CA2: variants seen among roughly 807,000 people sequenced by gnomAD.
CA2 encodes the protein carbonic anhydrase 2.
Under a neutral mutation model 27.8 loss-of-function variants are expected in CA2, and 23 were observed. The ratio of observed to expected loss-of-function variants is 0.83; its 90% CI spans 0.59 to 1.17. The LOEUF (loss-of-function observed/expected upper bound fraction) is 1.17, where lower values mean the gene tolerates loss of function less well. Among genes scored for constraint, CA2 ranks in the 50% most tolerant of loss-of-function variants. The pLI is 0.00. For synonymous variants in CA2, 99 were observed against 114.9 expected (o/e 0.86, Z 0.88); for missense variants, 300 against 314.7 (o/e 0.95, Z 0.35).
intron 2 of CA2, among the ~76,000 whole-genome samples, chr8:85,466,320 G>T (rs1427546942): frequency 6.6e-6 from 1 of 151,952 alleles, no homozygotes; most frequent in East Asian, 1.9e-4. Context: ...ATGAAATGGT[G>T]CTGCAAACAC....
chr8:85,474,548 T>C, intron 4 of CA2, 132 bp downstream of exon 4: 1 of 759,932 alleles, frequency 1.3e-6, no homozygotes, highest in South Asian at 1.5e-5. Context: ...TTTTCAAGTT[T>C]ATCTCCTCCT....
chr8:85,465,556 C>A (rs897339520), intron 2 of CA2, 87 bp downstream of exon 2: 1 of 1,042,342 alleles, frequency 9.6e-7, no homozygotes, highest in Non-Finnish European at 1.5e-6. Context: ...TGGCAGGAAC[C>A]CTCTTAATAA....
intron 5 of CA2, 47 bp from the exon 6 acceptor site, chr8:85,477,073 A>T (rs907859826): frequency 6.2e-7 from 1 of 1,601,796 alleles, no homozygotes. Context: ...CCTTCCTCCT[A>T]CTCTGTCAAT....
intron 2 of CA2, among the ~76,000 whole-genome samples, chr8:85,472,482 C>T (rs1183100836): frequency 6.6e-6 from 1 of 151,626 alleles, no homozygotes; most frequent in East Asian, 1.9e-4. Context: ...AGTTTGTAGC[C>T]GATGGATGTG....
At chr8:85,475,694 G>A in intron 4 of CA2, 104 bp from the exon 5 acceptor site, 1 of 972,780 alleles carries the variant, frequency 1.0e-6, no homozygotes, top group Non-Finnish European at 1.6e-6. Context: ...GGAGAATTTG[G>A]GCTCACTATT....
intron 2 of CA2, among the ~76,000 whole-genome samples, chr8:85,472,044 G>A (rs569672051): frequency 6.6e-6 from 1 of 152,186 alleles, no homozygotes; most frequent in South Asian, 2.1e-4. Flanking sequence ...GCAGCCAGAG[G>A]TTGTATCAGG....
intron 2 of CA2, among the ~76,000 whole-genome samples, chr8:85,472,490 G>A (rs1422097905): frequency 1.3e-5 from 2 of 152,138 alleles, no homozygotes; most frequent in Non-Finnish European, 2.9e-5. Context: ...GCCGATGGAT[G>A]TGATTTTTGT....
intron 5 of CA2, among the ~76,000 whole-genome samples, chr8:85,476,834 C>G (rs1365576661): frequency 6.6e-6 from 1 of 151,396 alleles, no homozygotes; most frequent in Admixed American, 6.6e-5. Flanking sequence ...CAGCTAATGA[C>G]TTAATGGGGA....
intron 5 of CA2, 46 bp from the exon 6 acceptor site, chr8:85,477,074 C>T (rs749393061): frequency 6.2e-7 from 1 of 1,603,748 alleles, no homozygotes; most frequent in Non-Finnish European, 8.5e-7. Flanking sequence ...CTTCCTCCTA[C>T]TCTGTCAATG....
intron 2 of CA2, among the ~76,000 whole-genome samples, chr8:85,468,871 C>T (rs1415543944): frequency 6.6e-6 from 1 of 150,960 alleles, no homozygotes; most frequent in Non-Finnish European, 1.5e-5. Flanking sequence ...ATCCTAGGCT[C>T]TCAAAGCCAA....
At chr8:85,470,652 A>G (rs1026934041) in intron 2 of CA2, among the ~76,000 whole-genome samples, 1 of 152,138 alleles carries the variant, frequency 6.6e-6, no homozygotes, top group Non-Finnish European at 1.5e-5. Flanking sequence ...TAATTTATAT[A>G]ATTTCCTCAA....
At chr8:85,466,940 A>C (rs1164380924) in intron 2 of CA2, among the ~76,000 whole-genome samples, 1 of 152,228 alleles carries the variant, frequency 6.6e-6, no homozygotes, top group Non-Finnish European at 1.5e-5. Flanking sequence ...TACAGAAAGA[A>C]TACTATAACA....
intron 2 of CA2, among the ~76,000 whole-genome samples, chr8:85,469,011 A>C (rs1327063915): frequency 6.6e-6 from 1 of 152,180 alleles, no homozygotes; most frequent in Non-Finnish European, 1.5e-5. Flanking sequence ...GCAATCACTT[A>C]AAAATAGAAT....
chr8:85,474,579 T>C, intron 4 of CA2, 163 bp downstream of exon 4: 2 of 675,182 alleles, frequency 3.0e-6, no homozygotes, highest in South Asian at 3.3e-5. Flanking sequence ...CTAGTTGCAG[T>C]GGAGATGGAG....
At chr8:85,465,030 G>A (rs1811604815) in intron 1 of CA2, 1 of 521,548 alleles carries the variant, frequency 1.9e-6, no homozygotes, top group Non-Finnish European at 3.5e-6. Context: ...TGATCTAAGA[G>A]CTTTACATAT....
At chr8:85,473,041 A>AAATAAT (rs1563433949) in intron 2 of CA2, among the ~76,000 whole-genome samples, 3 of 99,402 alleles carry the variant, frequency 3.0e-5, no homozygotes, top group African/African-American at 8.5e-5. Context: ...AATAAATAAT[A>AAATAAT]AAAAAAATTA....
intron 2 of CA2, among the ~76,000 whole-genome samples, chr8:85,469,973 TAAAAG>T (rs1811691147): frequency 6.6e-6 from 1 of 152,164 alleles, no homozygotes; most frequent in Admixed American, 6.5e-5. Context: ...AGTCCTAAGT[TAAAAG>T]AAAGCATAAC....
chr8:85,474,580 G>A, intron 4 of CA2, 164 bp downstream of exon 4: 2 of 671,446 alleles, frequency 3.0e-6, no homozygotes, highest in East Asian at 5.4e-5. Flanking sequence ...TAGTTGCAGT[G>A]GAGATGGAGG....
chr8:85,471,765 CAT>C (rs1336261430), intron 2 of CA2, among the ~76,000 whole-genome samples: 12 of 151,544 alleles, frequency 7.9e-5, no homozygotes, highest in South Asian at 2.1e-4. Context: ...ATTTCATAAA[CAT>C]ATATTTAATT....
Sources: allele counts gnomAD v4.1 joint callset (sites outside exome capture counted in the v4.1 genomes callset), GRCh38; gene constraint gnomAD v4.1.1; transcripts MANE v1.5; gene names NCBI Gene and HGNC (gene_info 2026-07-23, HGNC 2026-07-21).